The following PAM variants were observed in gnomAD, a reference collection of about 807,000 sequenced individuals.
The protein encoded by PAM is peptidylglycine alpha-amidating monooxygenase.
Under a neutral mutation model 122.1 loss-of-function variants are expected in PAM, and 72 were observed. That is an observed-to-expected ratio of 0.59 (90% CI 0.49 to 0.72). PAM has a LOEUF of 0.72. PAM is among the 30% of genes least tolerant of loss of function. The pLI, the probability that PAM is intolerant of heterozygous loss-of-function variation, is 0.00. For missense variants in PAM, 1,106 were observed against 1,183.7 expected (o/e 0.93, Z 0.96); for synonymous variants, 389 against 404.4 (o/e 0.96, Z 0.46).
At chr5:102,960,274 C>T (rs1228674171) in intron 13 of PAM, among the ~76,000 whole-genome samples, 1 of 151,954 alleles carries the variant, frequency 6.6e-6, no homozygotes, top group Non-Finnish European at 1.5e-5. Flanking sequence ...AAATCTCAGC[C>T]AGGGATGAAA....
intron 1 of PAM, among the ~76,000 whole-genome samples, chr5:102,816,803 AT>A (rs1377038049): frequency 6.6e-6 from 1 of 152,102 alleles, no homozygotes; most frequent in Non-Finnish European, 1.5e-5. Flanking sequence ...TTATTCTCTT[AT>A]TAAGTCTCAT....
intron 1 of PAM, among the ~76,000 whole-genome samples, chr5:102,794,148 T>TG (rs1762765915): frequency 1.3e-5 from 2 of 152,226 alleles, no homozygotes; most frequent in African/African-American, 4.8e-5. Context: ...TTTAAACATG[T>TG]ATACCTGTTA....
intron 1 of PAM, among the ~76,000 whole-genome samples, chr5:102,844,131 A>T (rs1382880255): frequency 2.6e-5 from 4 of 152,210 alleles, no homozygotes. Context: ...AGTAAAAAGG[A>T]ATGAACTATT....
chr5:102,964,162 A>C (rs1262518021), intron 14 of PAM, among the ~76,000 whole-genome samples: 11 of 152,056 alleles, frequency 7.2e-5, no homozygotes, highest in Admixed American at 7.2e-4. Context: ...GTGATCATTA[A>C]AACACAGATT....
chr5:102,866,413 A>G, intron 2 of PAM, 129 bp downstream of exon 2: 1 of 675,436 alleles, frequency 1.5e-6, no homozygotes. Context: ...ATTTTACCAC[A>G]GTAACTTCTT....
intron 1 of PAM, among the ~76,000 whole-genome samples, chr5:102,850,125 A>G (rs1246297343): frequency 6.6e-6 from 1 of 152,154 alleles, no homozygotes; most frequent in Non-Finnish European, 1.5e-5. Context: ...CATTCACTTA[A>G]CATTTACTAA....
In PAM at chr5:103,002,585, CTAT is replaced by C. The variant is rs1342890605; in HGVS notation, c.1614-441_1614-439del. Among the ~76,000 whole-genome samples, 7 of 152,146 alleles carry C rather than the reference CTAT, an allele frequency of 4.6e-5. No individual in the cohort carries two copies. In the East Asian group the frequency reaches 7.7e-4, roughly 17 times the overall value. The stretch of plus-strand genomic sequence containing the variant: ...AACATTTTGATCACTGCTCTTCCAG[CTAT>C]TATTATAATTAATGACAAAGTTAAA... On this transcript the variant is annotated intron_variant, in intron 16 of 25. Coordinates refer to ENST00000438793, the MANE Select transcript of PAM (RefSeq NM_001177306.2).
At chr5:102,766,925 G>GGTTTTTTTTTTTTTTT (rs1561386850) in intron 1 of PAM, among the ~76,000 whole-genome samples, 1 of 36,572 alleles carries the variant, frequency 2.7e-5, no homozygotes, top group East Asian at 1.1e-3. Context: ...TTCAGTTGTG[G>GGTTTTTTTTTTTTTTT]ATTTTTTTTT....
At chr5:102,846,894 A>G (rs1365704003) in intron 1 of PAM, among the ~76,000 whole-genome samples, 1 of 152,204 alleles carries the variant, frequency 6.6e-6, no homozygotes, top group Non-Finnish European at 1.5e-5. Context: ...TTTCAAGTCA[A>G]CTAACATCTC....
intron 1 of PAM, among the ~76,000 whole-genome samples, chr5:102,847,499 C>T (rs1780245325): frequency 6.6e-6 from 1 of 152,030 alleles, no homozygotes; most frequent in Non-Finnish European, 1.5e-5. Flanking sequence ...CATGGTTTCA[C>T]TGGGATCATT....
intron 20 of PAM, 112 bp downstream of exon 20, chr5:103,007,769 T>C (rs1249848897): frequency 6.0e-6 from 4 of 668,990 alleles, no homozygotes; most frequent in Non-Finnish European, 1.0e-5. Flanking sequence ...ATATTTCACA[T>C]CTTAAAAGTA....
At chr5:102,842,150 G>A (rs35341786) in intron 1 of PAM, among the ~76,000 whole-genome samples, 11,764 of 149,698 alleles carry the variant, frequency 0.079, 776 homozygotes, top group African/African-American at 0.17. Context: ...AAAGGAAAAC[G>A]CATAGAACAC....
chr5:102,771,876 G>C (rs1313530028), intron 1 of PAM, among the ~76,000 whole-genome samples: 1 of 152,052 alleles, frequency 6.6e-6, no homozygotes, highest in Non-Finnish European at 1.5e-5. Flanking sequence ...GCTGTGGCTG[G>C]GTTTAAAAGA....
Position 102,834,442 on chromosome 5 carries a change from A to G in PAM, c.-373-31381A>G, listed in dbSNP as rs947181329. Among the ~76,000 whole-genome samples, 3 of 152,176 alleles carry G rather than the reference A, an allele frequency of 2.0e-5. No individual in the cohort carries two copies. The East Asian group carries it at 5.8e-4, about 29-fold the overall frequency. On this transcript the variant is annotated intron_variant, in intron 1 of 25. Transcript: ENST00000438793. ...AAAACATATACAAATCCGTTCTCTCATAGAGTGTTCAGTCAGAAATTAAAG... is the reference window on the plus strand; with the variant it reads ...AAAACATATACAAATCCGTTCTCTCGTAGAGTGTTCAGTCAGAAATTAAAG...
intron 7 of PAM, among the ~76,000 whole-genome samples, chr5:102,940,264 G>A: frequency 6.6e-6 from 1 of 151,254 alleles, no homozygotes; most frequent in East Asian, 1.9e-4. Context: ...TGTTTAAAAG[G>A]ACTTTTTAAA....
At position 103,028,946 on chromosome 5, in the gene PAM, C is replaced by A; in HGVS notation, c.2803C>A (p.Arg935=). The change falls in exon 26 of 26, where the codon CGA becomes AGA. Residue 935 remains arginine (R), a synonymous_variant. Coordinates refer to ENST00000438793, the MANE Select transcript of PAM (RefSeq NM_001177306.2). ...CTTTGCAAGCCGTAAGGGCTACAGTCGAAAAGGGTTTGACCGGCTTAGCAC... is the reference window on the plus strand; with the variant it reads ...CTTTGCAAGCCGTAAGGGCTACAGTAGAAAAGGGTTTGACCGGCTTAGCAC... The part of the protein sequence containing the change: ...NFFASRKGYS[R]KGFDRLSTEG... The A allele has an allele frequency of 6.2e-7, 1 of 1,613,526 alleles. No homozygotes were observed. Among genetic ancestry groups the A allele is most frequent in the South Asian group, 1.1e-5 (1 of 91,056 alleles).
chr5:102,978,416 T>C (rs962075845), intron 15 of PAM, among the ~76,000 whole-genome samples: 13 of 152,164 alleles, frequency 8.5e-5, no homozygotes, highest in African/African-American at 3.1e-4. Flanking sequence ...GAGATAGCAT[T>C]AATAGAGTAG....
intron 1 of PAM, among the ~76,000 whole-genome samples, chr5:102,798,858 T>C (rs1344997077): frequency 6.6e-6 from 1 of 152,196 alleles, no homozygotes; most frequent in African/African-American, 2.4e-5. Context: ...CTTTTCTGTC[T>C]GTATCGTGTT....
chr5:103,007,186 TATACATA>T (rs1779249008), intron 19 of PAM, among the ~76,000 whole-genome samples, 175 bp downstream of exon 19: 3 of 100,368 alleles, frequency 3.0e-5, no homozygotes, highest in Admixed American at 1.2e-4. Context: ...CACACACACA[TATACATA>T]CACACACACA....
Sources: allele counts gnomAD v4.1 joint callset (sites outside exome capture counted in the v4.1 genomes callset), GRCh38; gene constraint gnomAD v4.1.1; transcripts MANE v1.5; gene names NCBI Gene and HGNC (gene_info 2026-07-23, HGNC 2026-07-21).